The following PIK3AP1 variants were observed in gnomAD, a reference collection of about 807,000 sequenced individuals.
PIK3AP1 encodes the protein phosphoinositide 3-kinase adapter protein 1.
A neutral mutation model predicts 88.1 loss-of-function variants in PIK3AP1; 21 were observed. The observed-to-expected ratio is 0.24, with a 90% CI of 0.17 to 0.34. The LOEUF (loss-of-function observed/expected upper bound fraction) is 0.34. Among genes scored for constraint, PIK3AP1 ranks in the 10% least tolerant of loss-of-function variants. The probability of loss-of-function intolerance (pLI) is 1.00; values close to 1 mark genes in which losing one functional copy is unlikely to be tolerated. For missense variants in PIK3AP1, 828 were observed against 1,035.7 expected (o/e 0.80, Z 2.75); for synonymous variants, 398 against 400.0 (o/e 1.00, Z 0.06).
At chr10:96,625,390 G>A (rs886315757) in intron 10 of PIK3AP1, among the ~76,000 whole-genome samples, 6 of 152,170 alleles carry the variant, frequency 3.9e-5, no homozygotes, top group Non-Finnish European at 7.3e-5. Flanking sequence ...AAACAACAGT[G>A]TCTGCTGCTC....
At chr10:96,621,054 G>A (rs1843072796) in intron 11 of PIK3AP1, 1 of 162,144 alleles carries the variant, frequency 6.2e-6, no homozygotes, top group Non-Finnish European at 1.4e-5. Flanking sequence ...GGGTGGCAGT[G>A]CGGTCCCTGG....
chr10:96,618,183 A>G (rs11188856), intron 12 of PIK3AP1, among the ~76,000 whole-genome samples: 46,661 of 152,084 alleles, frequency 0.31, 7,456 homozygotes, highest in Admixed American at 0.39. Flanking sequence ...AGAGTTCTGG[A>G]CCAGCTCATG....
intron 2 of PIK3AP1, among the ~76,000 whole-genome samples, chr10:96,701,562 T>A (rs964456849): frequency 1.3e-5 from 2 of 152,202 alleles, no homozygotes; most frequent in South Asian, 4.1e-4. Flanking sequence ...ATTATTTCCC[T>A]GAGGGGAGGA....
intron 2 of PIK3AP1, among the ~76,000 whole-genome samples, chr10:96,679,392 G>T (rs765082716): frequency 3.3e-5 from 5 of 152,102 alleles, no homozygotes; most frequent in Non-Finnish European, 7.3e-5. Context: ...GCCAGGTGTG[G>T]TGGTGGGTGC....
intron 7 of PIK3AP1, among the ~76,000 whole-genome samples, chr10:96,648,203 G>T (rs537761308): frequency 2.0e-5 from 3 of 152,208 alleles, no homozygotes; most frequent in Admixed American, 6.5e-5. Flanking sequence ...CTGAAGGCGG[G>T]TGAGGCAGCT....
intron 2 of PIK3AP1, among the ~76,000 whole-genome samples, chr10:96,661,833 AGGAAAGGGAAAAG>A (rs142891479): frequency 0.12 from 17,581 of 150,240 alleles, 1,121 homozygotes; most frequent in Middle Eastern, 0.2. Context: ...AGGACAGGAA[AGGAAAGGGAAAAG>A]GGAAAGGGAA....
intron 16 of PIK3AP1, among the ~76,000 whole-genome samples, chr10:96,597,364 CTCTCTCTCTCTCTTTCTT>C (rs1480337492): frequency 3.5e-5 from 4 of 114,700 alleles, no homozygotes; most frequent in South Asian, 3.1e-4. Context: ...CCCTCTCTCT[CTCTCTCTCTCTCTTTCTT>C]TCTTTCTTTC....
At chr10:96,637,334 A>T (rs1843325714) in intron 8 of PIK3AP1, among the ~76,000 whole-genome samples, 1 of 151,360 alleles carries the variant, frequency 6.6e-6, no homozygotes, top group Non-Finnish European at 1.5e-5. Context: ...ACACACACAC[A>T]CACACACACA....
chr10:96,614,328 A>G (rs1849178897), intron 13 of PIK3AP1, among the ~76,000 whole-genome samples: 1 of 152,048 alleles, frequency 6.6e-6, no homozygotes. Context: ...TTTAAAAAGC[A>G]TCTCATCTCT....
At chr10:96,636,319 A>G (rs901462182) in intron 8 of PIK3AP1, among the ~76,000 whole-genome samples, 7 of 152,240 alleles carry the variant, frequency 4.6e-5, no homozygotes, top group Non-Finnish European at 4.4e-5. Flanking sequence ...TATTTTTAAA[A>G]TGCTCTTTTC....
Position 96,651,363 on chromosome 10 carries a change from G to A in PIK3AP1, c.873C>T (p.Pro291=). ...EFMCQAFKIV[P]YNTETLDKLL... ...GTTTATCAAGGGTCTCTGTGTTGTA[G>A]GGCACAATTTTAAAGGCCTGAAAAC... Residue 291 remains proline (P), a synonymous_variant, in exon 6 of 17, where the codon CCC becomes CCT. Coordinates refer to ENST00000339364, the MANE Select transcript of PIK3AP1 (RefSeq NM_152309.3). 3 of 1,614,166 alleles carry A rather than the reference G, an allele frequency of 1.9e-6. No individual in the cohort carries two copies. In the African/African-American group the frequency reaches 4.0e-5, roughly 22 times the overall value.
In PIK3AP1 at chr10:96,594,004, C is replaced by A. The variant is rs1264117773; in HGVS notation, c.*1573G>T. The A allele has an allele frequency of 6.6e-6, 1 of 152,054 alleles. No individual in the cohort carries two copies. Among genetic ancestry groups the A allele is most frequent in the African/African-American group, 2.4e-5 (1 of 41,392 alleles). The allele number at this position is 152,054 out of a possible 1,614,324, so 9.4% of individuals were successfully genotyped here. The stretch of plus-strand genomic sequence containing the variant: ...ACATTCGTGTGGGATAGAGAATAAT[C>A]CCATGGGAAACAAACACATTTTGAA... On this transcript the variant is annotated 3_prime_UTR_variant, in exon 17 of 17. Transcript: ENST00000339364. The surrounding 1 kb of genome is among the most constrained non-coding windows in gnomAD (Gnocchi z 4.6).
chr10:96,599,070 T>C (rs1848835915), intron 16 of PIK3AP1, among the ~76,000 whole-genome samples: 1 of 152,124 alleles, frequency 6.6e-6, no homozygotes, highest in Non-Finnish European at 1.5e-5. Flanking sequence ...GGGAGGTAAG[T>C]GTGGGCCTTC....
chr10:96,675,570 C>A (rs542690309), intron 2 of PIK3AP1, among the ~76,000 whole-genome samples: 1 of 152,130 alleles, frequency 6.6e-6, no homozygotes, highest in South Asian at 2.1e-4. Context: ...CTCATGGCCA[C>A]CACATACATG....
intron 2 of PIK3AP1, 93 bp downstream of exon 2, chr10:96,709,474 G>C: frequency 7.0e-7 from 1 of 1,422,284 alleles, no homozygotes; most frequent in Admixed American, 2.2e-5. Context: ...TTAACATAGT[G>C]AGATCCCCGC....
chr10:96,706,363 G>C (rs1451983824), intron 2 of PIK3AP1, among the ~76,000 whole-genome samples: 1 of 152,194 alleles, frequency 6.6e-6, no homozygotes, highest in Non-Finnish European at 1.5e-5. Flanking sequence ...ATGTATGCAA[G>C]AGGAGTATTT....
At chr10:96,683,911 A>G (rs576621) in intron 2 of PIK3AP1, among the ~76,000 whole-genome samples, 16,705 of 152,260 alleles carry the variant, frequency 0.11, 2,894 homozygotes, top group African/African-American at 0.37. Flanking sequence ...AATGCTGGTC[A>G]CATGGCTGTG....
rs111902593 is a variant in PIK3AP1, at chr10:96,604,056, G to A, written c.2171-7C>T. ...GAGCGGTTACTTGTGCTACCTAAAG[G>A]GTAGAAAGAAAATCAGCCGGATTGA... is the stretch of plus-strand genomic sequence containing the variant. On this transcript the variant is annotated splice_polypyrimidine_tract_variant and splice_region_variant and intron_variant, in intron 14 of 16. Transcript: ENST00000339364. 6,970 of 1,581,012 alleles carry A rather than the reference G, an allele frequency of 4.4e-3. 233 individuals carry two copies. The African/African-American group carries it at 0.074, about 17-fold the overall frequency.
At chr10:96,675,357 C>T (rs1051409074) in intron 2 of PIK3AP1, among the ~76,000 whole-genome samples, 4 of 152,254 alleles carry the variant, frequency 2.6e-5, no homozygotes, top group South Asian at 4.1e-4. Context: ...AAATCTGTCA[C>T]GGAGTCTTCA....
Sources: gnomAD v4.1 joint callset for allele counts (sites outside exome capture counted in the v4.1 genomes callset) on GRCh38, gnomAD v4.1.1 for gene constraint, Gnocchi (gnomAD v3.1) non-coding constraint, MANE v1.5 for transcripts, NCBI Gene and HGNC (gene_info 2026-07-23, HGNC 2026-07-21) for gene names.